The following KLHL29 variants were observed in gnomAD, a reference collection of about 807,000 sequenced individuals.
KLHL29 encodes the protein kelch like family member 29.
In KLHL29, 21 loss-of-function variants were observed where a neutral mutation model predicts 80.4. The observed-to-expected ratio is 0.26, with a 90% CI of 0.19 to 0.38. The LOEUF is 0.38. Among genes scored for constraint, KLHL29 ranks in the 10% least tolerant of loss-of-function variants. The probability of loss-of-function intolerance (pLI) is 1.00; values close to 1 mark genes in which losing one functional copy is unlikely to be tolerated. For missense variants in KLHL29, 867 were observed against 1,223.9 expected (o/e 0.71, Z 4.35); for synonymous variants, 511 against 526.8 (o/e 0.97, Z 0.41).
intron 1 of KLHL29, among the ~76,000 whole-genome samples, chr2:23,397,913 C>A (rs1288893877): frequency 1.3e-5 from 2 of 152,224 alleles, no homozygotes; most frequent in South Asian, 2.1e-4. Flanking sequence ...CAATAAGATA[C>A]CACTTCACGT....
chr2:23,535,748 C>T (rs959206082), intron 2 of KLHL29, among the ~76,000 whole-genome samples: 10 of 151,872 alleles, frequency 6.6e-5, no homozygotes, highest in African/African-American at 2.2e-4. Context: ...GCCAGGGTTT[C>T]GGGGAGGCGG....
intron 5 of KLHL29, among the ~76,000 whole-genome samples, chr2:23,683,866 G>T (rs530300014): frequency 6.6e-6 from 1 of 152,178 alleles, no homozygotes; most frequent in African/African-American, 2.4e-5. Context: ...CTCCTTTCTC[G>T]GGGTCTCCTC....
chr2:23,431,729 TA>T (rs1663184633), intron 1 of KLHL29, among the ~76,000 whole-genome samples: 1 of 151,856 alleles, frequency 6.6e-6, no homozygotes, highest in Non-Finnish European at 1.5e-5. Flanking sequence ...CCGTCTCTAC[TA>T]AAAGTACAAA....
At chr2:23,675,844 A>C (rs1342840860) in intron 5 of KLHL29, among the ~76,000 whole-genome samples, 1 of 152,212 alleles carries the variant, frequency 6.6e-6, no homozygotes, top group Admixed American at 6.5e-5. Context: ...ATCCGATTCC[A>C]CACAACTGTG....
At chr2:23,441,609 G>A (rs2103415191) in intron 1 of KLHL29, among the ~76,000 whole-genome samples, 1 of 152,280 alleles carries the variant, frequency 6.6e-6, no homozygotes, top group South Asian at 2.1e-4. Context: ...GTTCATGTTT[G>A]CTCTTCATGA....
intron 3 of KLHL29, among the ~76,000 whole-genome samples, chr2:23,609,334 C>T (rs1668801298): frequency 6.6e-6 from 1 of 152,068 alleles, no homozygotes; most frequent in African/African-American, 2.4e-5. Flanking sequence ...AGAGAATTCC[C>T]TGGAGACGCC....
At chr2:23,599,980 G>A (rs1053465908) in intron 3 of KLHL29, among the ~76,000 whole-genome samples, 1 of 152,182 alleles carries the variant, frequency 6.6e-6, no homozygotes, top group Non-Finnish European at 1.5e-5. Flanking sequence ...TCTGCAGGGT[G>A]TGCATACACA....
At chr2:23,661,358 C>T (rs1251562539) in intron 5 of KLHL29, among the ~76,000 whole-genome samples, 4 of 134,528 alleles carry the variant, frequency 3.0e-5, no homozygotes, top group African/African-American at 1.1e-4. Flanking sequence ...AAAAAAAAAC[C>T]ATGAAAAATG....
intron 2 of KLHL29, among the ~76,000 whole-genome samples, chr2:23,533,956 CGT>C (rs1175874484): frequency 1.4e-4 from 21 of 146,414 alleles, no homozygotes; most frequent in South Asian, 4.3e-4. Context: ...TTTAAAGAAA[CGT>C]GTGCGCTATG....
intron 2 of KLHL29, among the ~76,000 whole-genome samples, chr2:23,554,782 C>A (rs1164158982): frequency 6.6e-6 from 1 of 152,134 alleles, no homozygotes; most frequent in Non-Finnish European, 1.5e-5. Context: ...AGGCTCATGG[C>A]GACTCTTAAT....
In KLHL29 at chr2:23,409,977, T is replaced by C. The variant is rs1031684760; in HGVS notation, c.-154+24197T>C. Among the ~76,000 whole-genome samples the C allele has an allele frequency of 2.6e-5, 4 of 152,066 alleles. No individual in the cohort carries two copies. In the South Asian group the frequency reaches 6.2e-4, roughly 24 times the overall value. On this transcript the variant is annotated intron_variant, in intron 1 of 13. Transcript: ENST00000486442. The stretch of plus-strand genomic sequence containing the variant: ...ATGCATTCCAGGCAGAGGAGATACA[T>C]GTGCAGGAGAGAGTATGGTGCCTTC...
chr2:23,681,608 C>G lies in KLHL29; in HGVS notation c.941-2791C>G, dbSNP rs567794555. Reference sequence around the variant, plus strand: ...TCTGTCACTCTCTGCAGCATGACACCCAGGGGGCTACCAAGCAGGTGTCTC... The same window carrying G: ...TCTGTCACTCTCTGCAGCATGACACGCAGGGGGCTACCAAGCAGGTGTCTC... On this transcript the variant is annotated intron_variant, in intron 5 of 13. Coordinates refer to ENST00000486442, the MANE Select transcript of KLHL29 (RefSeq NM_052920.2). This position sits in a 1 kb window ranked among gnomAD's most constrained non-coding sequence, Gnocchi z 4.2. Among the ~76,000 whole-genome samples, 1 of 152,226 alleles carries G rather than the reference C, an allele frequency of 6.6e-6. No homozygotes were observed. Among genetic ancestry groups the G allele is most frequent in the Non-Finnish European group, 1.5e-5 (1 of 68,006 alleles).
chr2:23,450,580 A>AG (rs1663849122), intron 1 of KLHL29, among the ~76,000 whole-genome samples: 1 of 152,058 alleles, frequency 6.6e-6, no homozygotes, highest in Admixed American at 6.6e-5. Context: ...CTAAAAAAAA[A>AG]TGGACATTCC....
intron 5 of KLHL29, among the ~76,000 whole-genome samples, chr2:23,678,833 C>G (rs191046578): frequency 9.2e-5 from 14 of 152,192 alleles, no homozygotes; most frequent in South Asian, 2.1e-4. Flanking sequence ...TTGCATAATT[C>G]CACTTATAAG....
intron 8 of KLHL29, among the ~76,000 whole-genome samples, chr2:23,694,394 C>T (rs890959527): frequency 6.6e-6 from 1 of 152,230 alleles, no homozygotes; most frequent in Non-Finnish European, 1.5e-5. Flanking sequence ...GCCAGGATTA[C>T]TGCAGCACCT....
chr2:23,535,686 T>A (rs1666639421), intron 2 of KLHL29, among the ~76,000 whole-genome samples: 1 of 152,200 alleles, frequency 6.6e-6, no homozygotes, highest in Non-Finnish European at 1.5e-5. Flanking sequence ...TGAGTCCACT[T>A]ATACGAGGTA....
intron 6 of KLHL29, among the ~76,000 whole-genome samples, chr2:23,688,251 G>A (rs1333659583): frequency 6.6e-6 from 1 of 152,228 alleles, no homozygotes; most frequent in Non-Finnish European, 1.5e-5. Context: ...CGTGTGTCCT[G>A]CAGCTGATGA....
At chr2:23,411,118 T>G (rs952206230) in intron 1 of KLHL29, among the ~76,000 whole-genome samples, 1 of 152,162 alleles carries the variant, frequency 6.6e-6, no homozygotes, top group Non-Finnish European at 1.5e-5. Flanking sequence ...ATAAAGATGG[T>G]GGAGGCACAA....
intron 3 of KLHL29, among the ~76,000 whole-genome samples, chr2:23,564,853 A>G (rs6544949): frequency 0.16 from 24,270 of 152,242 alleles, 2,787 homozygotes; most frequent in Admixed American, 0.3. Flanking sequence ...CAGATGACCC[A>G]AGAATGTCTC....
Sources: allele counts gnomAD v4.1 joint callset (sites outside exome capture counted in the v4.1 genomes callset), GRCh38; gene constraint gnomAD v4.1.1; non-coding constraint Gnocchi (gnomAD v3.1); transcripts MANE v1.5; gene names NCBI Gene and HGNC (gene_info 2026-07-23, HGNC 2026-07-21).